The following TNFSF14 variants were observed in gnomAD, a reference collection of about 807,000 sequenced individuals.
TNFSF14 encodes TNF superfamily member 14.
Under a neutral mutation model 22.7 loss-of-function variants are expected in TNFSF14, and 15 were observed. The ratio of observed to expected loss-of-function variants is 0.66; its 90% CI spans 0.44 to 1.02. TNFSF14 has a LOEUF of 1.02. Among genes scored for constraint, TNFSF14 ranks in the 50% least tolerant of loss-of-function variants. The probability of loss-of-function intolerance (pLI) is 0.00; values close to 1 mark genes in which losing one functional copy is unlikely to be tolerated. For synonymous variants in TNFSF14, 133 were observed against 139.6 expected, an observed-to-expected ratio of 0.95 and a Z score of 0.33; for missense variants, 287 against 326.2, an observed-to-expected ratio of 0.88 and a Z score of 0.93.
rs1470361053 is a variant in TNFSF14, at chr19:6,661,890, A to C, written c.*3036T>G. 1 of 152,388 alleles carries C rather than the reference A, an allele frequency of 6.6e-6. No individual in the cohort carries two copies. The highest frequency in any genetic ancestry group is 1.9e-4 in the East Asian group (1 of 5,192). 9.4% of individuals were successfully genotyped at this position (152,388 alleles called of 1,614,324 possible). A position where few individuals can be genotyped will look rare whatever the true frequency, so the allele number is the denominator to read the frequency against. ...TATCTGGCATGTGAGAAAATGATAT[A>C]TAGCTACTGACGGGGATTTCCTTTG... On this transcript the variant is annotated 3_prime_UTR_variant, in exon 4 of 4. Coordinates refer to ENST00000675206, the MANE Select transcript of TNFSF14 (RefSeq NM_001376887.1).
At chr19:6,666,185 G>C (rs1012807835) in intron 3 of TNFSF14, among the ~76,000 whole-genome samples, 1 of 151,866 alleles carries the variant, frequency 6.6e-6, no homozygotes, top group African/African-American at 2.4e-5. Flanking sequence ...CTGAGCCCAG[G>C]AGTTTGAGTC....
intron 1 of TNFSF14, among the ~76,000 whole-genome samples, chr19:6,667,936 G>T (rs1286178692): frequency 6.6e-6 from 1 of 152,142 alleles, no homozygotes. Flanking sequence ...AGCTGCTCTG[G>T]AGGCTGAGGC....
At chr19:6,665,384 G>A (rs1479791645) in intron 3 of TNFSF14, 34 bp from the exon 4 acceptor site, 4 of 1,486,570 alleles carry the variant, frequency 2.7e-6, no homozygotes, top group Admixed American at 2.4e-5. Context: ...GGGGCTGCCG[G>A]TCAGCACATG....
intron 3 of TNFSF14, among the ~76,000 whole-genome samples, chr19:6,666,044 C>T (rs956887741): frequency 6.6e-5 from 10 of 152,102 alleles, no homozygotes; most frequent in African/African-American, 2.2e-4. Context: ...TCTTTGCATC[C>T]CTCTTTTGCA....
At position 6,664,822 on chromosome 19, in the gene TNFSF14, G is replaced by C. The variant is rs1171755170; in HGVS notation, c.*104C>G. The C allele has an allele frequency of 7.0e-6, 10 of 1,433,802 alleles. No homozygotes were observed. Among genetic ancestry groups the C allele is most frequent in the Admixed American group, 2.2e-5 (1 of 45,226 alleles). 88.8% of individuals were successfully genotyped at this position (1,433,802 alleles called of 1,614,324 possible). On this transcript the variant is annotated 3_prime_UTR_variant, in exon 4 of 4. Transcript: ENST00000675206. The surrounding 1 kb of genome is among the most constrained non-coding windows in gnomAD (Gnocchi z 4.7). ...CCCAAAGTGCTGGGATTACAGGCGA[G>C]AGCCACCACGCCCAGCCTCTGCTTC...
chr19:6,664,629 C>CATCAAA lies in TNFSF14; in HGVS notation c.*296_*297insTTTGAT. The CATCAAA allele has an allele frequency of 4.5e-6, 1 of 221,294 alleles. No homozygotes were observed. Among genetic ancestry groups the CATCAAA allele is most frequent in the Non-Finnish European group, 8.9e-6 (1 of 112,800 alleles). 13.7% of individuals were successfully genotyped at this position (221,294 alleles called of 1,614,324 possible). A position where few individuals can be genotyped will look rare whatever the true frequency, so the allele number is the denominator to read the frequency against. ...TCTCGGCTCACTGCAACCTCCGCCT[C>CATCAAA]CCGGGTTTAAGCAAAATTATCCTGC... On this transcript the variant is annotated 3_prime_UTR_variant, in exon 4 of 4. Transcript: ENST00000675206. The surrounding 1 kb of genome is among the most constrained non-coding windows in gnomAD (Gnocchi z 4.7).
chr19:6,670,114 C>T lies in TNFSF14; in HGVS notation c.-45G>A, dbSNP rs766344418. 5 of 1,600,890 alleles carry T rather than the reference C, an allele frequency of 3.1e-6. No individual in the cohort carries two copies. The East Asian group carries it at 6.7e-5, about 22-fold the overall frequency. On this transcript the variant is annotated 5_prime_UTR_variant, in exon 1 of 4. Coordinates refer to ENST00000675206, the MANE Select transcript of TNFSF14 (RefSeq NM_001376887.1). ...GGGCTGACACGCCTGGGTCCTTCAA[C>T]CTCAGAGGAAACCGAAATTGCTCAA...
rs1408511819 is a variant in TNFSF14 at position 6,667,120 on chromosome 19, A to G, written c.291T>C (p.His97=). The G allele has an allele frequency of 2.5e-6, 4 of 1,606,020 alleles. No individual in the cohort carries two copies. Among genetic ancestry groups the G allele is most frequent in the Non-Finnish European group, 3.4e-6 (4 of 1,177,230 alleles). Residue 97 remains histidine, a synonymous_variant, in exon 3 of 4, where the codon CAT becomes CAC. Transcript: ENST00000675206. Reference sequence around the variant, plus strand: ...ATCCAGGGTCCCTCTCACCTGTGAGATGCGCTGCTGGGTTGACCTCGTGAG... The same window carrying G: ...ATCCAGGGTCCCTCTCACCTGTGAGGTGCGCTGCTGGGTTGACCTCGTGAG... ...RRSHEVNPAA[H]LTGANSSLTG... is the part of the protein sequence containing the mutation.
At chr19:6,667,606 CCT>C (rs1252442170) in intron 1 of TNFSF14, among the ~76,000 whole-genome samples, 157 bp from the exon 2 acceptor site, 1 of 152,176 alleles carries the variant, frequency 6.6e-6, no homozygotes, top group Non-Finnish European at 1.5e-5. Context: ...ACACACACCC[CCT>C]GTCCAGAGGC....
At chr19:6,667,507 T>C in intron 1 of TNFSF14, 58 bp from the exon 2 acceptor site, 1 of 1,551,726 alleles carries the variant, frequency 6.4e-7, no homozygotes, top group Middle Eastern at 1.7e-4. Flanking sequence ...CGCCCTCGCA[T>C]TGCTCACACA....
In TNFSF14 at chr19:6,662,093, T is replaced by C. The variant is rs1302830681; in HGVS notation, c.*2833A>G. 6.7e-6 allele frequency: 1 copy of C among 148,942 alleles called. No individual in the cohort carries two copies. The highest frequency in any genetic ancestry group is 1.5e-5 in the Non-Finnish European group (1 of 68,002). The allele number at this position is 148,942 out of a possible 1,614,324, so 9.2% of individuals were successfully genotyped here. A position where few individuals can be genotyped will look rare whatever the true frequency, so the allele number is the denominator to read the frequency against. ...CCTTGCTCTGTCACCCAGGCTGGAG[T>C]GCAGTGGTGTGATCTCAGCTCACTG... On this transcript the variant is annotated 3_prime_UTR_variant, in exon 4 of 4. Coordinates refer to ENST00000675206, the MANE Select transcript of TNFSF14 (RefSeq NM_001376887.1).
chr19:6,670,369 A>G, upstream of TNFSF14: 1 of 965,768 alleles, frequency 1.0e-6, no homozygotes, highest in South Asian at 3.1e-5. Context: ...CCCTTCTTGG[A>G]TGCTTCATTC....
At chr19:6,666,396 C>A (rs1356468201) in intron 3 of TNFSF14, among the ~76,000 whole-genome samples, 448 of 127,974 alleles carry the variant, frequency 3.5e-3, no homozygotes, top group African/African-American at 3.8e-3. Flanking sequence ...GACCCTGTCT[C>A]AAAAAAAAAA....
Position 6,667,115 on chromosome 19 carries a change from G to A in TNFSF14, c.296C>T (p.Thr99Ile), listed in dbSNP as rs1917451937. Reference protein sequence around the residue: ...SHEVNPAAHLTGANSSLTGSG... With the variant: ...SHEVNPAAHLIGANSSLTGSG... ...CCAGGATCCAGGGTCCCTCTCACCT[G>A]TGAGATGCGCTGCTGGGTTGACCTC... Residue 99 changes from threonine (T) to isoleucine (I), a missense_variant and splice_region_variant, in exon 3 of 4, where the codon ACA becomes ATA. Thr to Ile is a moderately conservative substitution (Grantham distance 89). Transcript: ENST00000675206. 3 of 1,607,372 alleles carry A rather than the reference G, an allele frequency of 1.9e-6. No individual in the cohort carries two copies. The highest frequency in any genetic ancestry group is 1.7e-5 in the Admixed American group (1 of 58,190).
At chr19:6,665,480 C>A (rs148244967) in intron 3 of TNFSF14, 130 bp from the exon 4 acceptor site, 46,562 of 1,019,368 alleles carry the variant, frequency 0.046, 1,260 homozygotes, top group Non-Finnish European at 0.056. Flanking sequence ...ATGATCTCGG[C>A]TTACTGCACC....
intron 3 of TNFSF14, 83 bp downstream of exon 3, chr19:6,667,030 T>C: frequency 6.7e-7 from 1 of 1,487,280 alleles, no homozygotes; most frequent in South Asian, 1.2e-5. Context: ...AATGAATGAA[T>C]ACACTGATAT....
intron 1 of TNFSF14, among the ~76,000 whole-genome samples, chr19:6,668,994 A>G (rs1261986461): frequency 6.6e-6 from 1 of 152,216 alleles, no homozygotes; most frequent in African/African-American, 2.4e-5. Context: ...ATGGACACGA[A>G]TGTGTGGCCA....
chr19:6,665,138 G>A lies in TNFSF14; in HGVS notation c.511C>T (p.Pro171Ser), dbSNP rs1489920936. Residue 171 changes from proline (P) to serine (S), a missense_variant, in exon 4 of 4, where the codon CCC becomes TCC. By Grantham distance (74) the Pro-to-Ser change is moderately conservative. Transcript: ENST00000675206. ...AGCTCCAGCTCCTCGGGGTAGCGGG[G>A]TGTGCGCTTGTAGAGGCCGTGGGTG... is the stretch of plus-strand genomic sequence containing the variant. ...TITHGLYKRT[P>S]RYPEELELLV... 4.3e-6 allele frequency: 7 copies of A among 1,614,026 alleles called. No individual in the cohort carries two copies. The highest frequency in any genetic ancestry group is 4.2e-6 in the Non-Finnish European group (5 of 1,179,950).
chr19:6,666,917 T>TAAAC (rs1263782516), intron 3 of TNFSF14, among the ~76,000 whole-genome samples, 196 bp downstream of exon 3: 10 of 150,360 alleles, frequency 6.7e-5, no homozygotes, highest in Admixed American at 1.3e-4. Flanking sequence ...AATAAATAAA[T>TAAAC]AAATAAATAA....
Sources: allele counts gnomAD v4.1 joint callset (sites outside exome capture counted in the v4.1 genomes callset), GRCh38; gene constraint gnomAD v4.1.1; non-coding constraint Gnocchi (gnomAD v3.1); transcripts MANE v1.5; gene names NCBI Gene and HGNC (gene_info 2026-07-23, HGNC 2026-07-21).